The following LRRC27 variants were observed in gnomAD, a reference collection of about 807,000 sequenced individuals.
The protein encoded by LRRC27 is leucine-rich repeat-containing protein 27.
In LRRC27, 57 loss-of-function variants were observed where a neutral mutation model predicts 55.0. The ratio of observed to expected loss-of-function variants is 1.04; its 90% confidence interval spans 0.84 to 1.29. The LOEUF is 1.29. LRRC27 is among the 50% of genes most tolerant of loss of function. The pLI, the probability that LRRC27 is intolerant of heterozygous loss-of-function variation, is 0.00. For synonymous variants in LRRC27, 278 were observed against 251.9 expected (o/e 1.10, Z -0.98); for missense variants, 721 against 651.5 (o/e 1.11, Z -1.16).
rs941884671 is a variant in LRRC27 at position 132,372,273 on chromosome 10, T to C, written c.1417-2793T>C. Among the ~76,000 whole-genome samples, 1 of 148,150 alleles carries C rather than the reference T, an allele frequency of 6.7e-6. No homozygotes were observed. Among genetic ancestry groups the C allele is most frequent in the Non-Finnish European group, 1.5e-5 (1 of 67,364 alleles). ...GAAGACAAAACCAACCACAGAAGGA[T>C]GGGAAGTGGGGGTCGGGGTGCGGTG... On this transcript the variant is annotated intron_variant, in intron 10 of 10. Coordinates refer to ENST00000368614, the MANE Select transcript of LRRC27 (RefSeq NM_030626.3). The surrounding 1 kb of genome is among the most constrained non-coding windows in gnomAD (Gnocchi z 4.0).
intron 9 of LRRC27, among the ~76,000 whole-genome samples, chr10:132,363,414 C>A (rs546634021): frequency 6.6e-6 from 1 of 152,192 alleles, no homozygotes. Context: ...TCCTCTGAGC[C>A]GTGTATAAGG....
intron 10 of LRRC27, among the ~76,000 whole-genome samples, chr10:132,368,809 A>G (rs2069153436): frequency 6.6e-6 from 1 of 152,264 alleles, no homozygotes. Flanking sequence ...GCCGGGCTTC[A>G]TTACAATCAA....
At chr10:132,337,300 G>GT (rs769092177) in intron 2 of LRRC27, 3 of 1,278,002 alleles carry the variant, frequency 2.3e-6, no homozygotes, top group Non-Finnish European at 3.0e-6. Flanking sequence ...AAACAGTGGT[G>GT]TGCTGGGTCA....
At chr10:132,342,423 A>G (rs1210184316) in intron 4 of LRRC27, 152 bp downstream of exon 4, 2 of 600,234 alleles carry the variant, frequency 3.3e-6, no homozygotes, top group African/African-American at 1.9e-5. Flanking sequence ...GTAGCTCTCA[A>G]GAACTGTTGA....
chr10:132,357,647 A>AG (rs1205097362), intron 8 of LRRC27, among the ~76,000 whole-genome samples: 4 of 151,910 alleles, frequency 2.6e-5, no homozygotes, highest in African/African-American at 7.3e-5. Context: ...GGCTCTGGGG[A>AG]GGGGGGCGCA....
rs993329214 is a variant in LRRC27, at chr10:132,372,892, G to A, written c.1417-2174G>A. Among the ~76,000 whole-genome samples, 5 of 152,108 alleles carry A rather than the reference G, an allele frequency of 3.3e-5. No individual in the cohort carries two copies. The highest frequency in any genetic ancestry group is 4.8e-5 in the African/African-American group (2 of 41,420). ...ACTGAGCAGCCAGCAGCCCACCACC[G>A]ACACCCCGATCTCAGCCTCGTTCCA... is the stretch of plus-strand genomic sequence containing the variant. On this transcript the variant is annotated intron_variant, in intron 10 of 10. Coordinates refer to ENST00000368614, the MANE Select transcript of LRRC27 (RefSeq NM_030626.3). This position sits in a 1 kb window ranked among gnomAD's most constrained non-coding sequence, Gnocchi z 4.0.
At chr10:132,340,334 G>A (rs553149748) in intron 3 of LRRC27, among the ~76,000 whole-genome samples, 1 of 152,216 alleles carries the variant, frequency 6.6e-6, no homozygotes, top group East Asian at 1.9e-4. Context: ...GTACTTTCAG[G>A]TTAATAGTCA....
At chr10:132,337,834 A>G (rs2067208238) in intron 3 of LRRC27, 139 bp downstream of exon 3, 1 of 1,027,624 alleles carries the variant, frequency 9.7e-7, no homozygotes, top group Admixed American at 2.8e-5. Context: ...AAAGCCAGCT[A>G]AGAGGTTGCG....
rs1191320584 is a variant in LRRC27, at chr10:132,377,584, C to T, written c.*2342C>T. The T allele has an allele frequency of 6.6e-6, 1 of 152,202 alleles. No individual in the cohort carries two copies. Among genetic ancestry groups the T allele is most frequent in the East Asian group, 1.9e-4 (1 of 5,192 alleles). The allele number at this position is 152,202 out of a possible 1,614,324, so 9.4% of individuals were successfully genotyped here. On this transcript the variant is annotated 3_prime_UTR_variant, in exon 11 of 11. Transcript: ENST00000368614. ...ACCGTGTGCCCCAACGGTGTCTTGA[C>T]TCGCTGTTCCTAGACATCAGTGTTT...
chr10:132,343,338 C>A (rs563025161), intron 4 of LRRC27, among the ~76,000 whole-genome samples: 49 of 152,082 alleles, frequency 3.2e-4, no homozygotes, highest in African/African-American at 4.6e-4. Context: ...ACAACAACAA[C>A]AAAAAACAAA....
intron 3 of LRRC27, 150 bp downstream of exon 3, chr10:132,337,845 A>T: frequency 1.2e-6 from 1 of 855,010 alleles, no homozygotes; most frequent in Non-Finnish European, 1.8e-6. Flanking sequence ...AGAGGTTGCG[A>T]CGGCTGAATG....
Position 132,348,546 on chromosome 10 carries a change from A to G in LRRC27, c.926+190A>G, listed in dbSNP as rs1180826136. On this transcript the variant is annotated intron_variant, in intron 6 of 10. Transcript: ENST00000368614. This position sits in a 1 kb window ranked among gnomAD's most constrained non-coding sequence, Gnocchi z 4.2. Reference sequence around the variant, plus strand: ...GCATCAAGCCCGGAGCATCTGCGGCAGAGCTCAGTCCATTCAGAGGCTGAG... The same window carrying G: ...GCATCAAGCCCGGAGCATCTGCGGCGGAGCTCAGTCCATTCAGAGGCTGAG... 6.6e-6 allele frequency among the ~76,000 whole-genome samples: 1 copy of G among 152,248 alleles called. No individual in the cohort carries two copies. The highest frequency in any genetic ancestry group is 1.9e-4 in the East Asian group (1 of 5,196).
At chr10:132,334,100 A>G (rs1366744473) in intron 2 of LRRC27, among the ~76,000 whole-genome samples, 2 of 152,178 alleles carry the variant, frequency 1.3e-5, no homozygotes, top group Non-Finnish European at 2.9e-5. Context: ...GTTCTCACCC[A>G]TGATTTTGCT....
At chr10:132,331,836 G>A (rs759109660), upstream of LRRC27, 17 of 1,498,900 alleles carry the variant, frequency 1.1e-5, no homozygotes, top group Non-Finnish European at 1.4e-5. Flanking sequence ...GGCCGCGGGC[G>A]CGGAAAAACG....
At chr10:132,366,147 C>T (rs1234849377) in intron 10 of LRRC27, among the ~76,000 whole-genome samples, 4 of 152,196 alleles carry the variant, frequency 2.6e-5, no homozygotes, top group Non-Finnish European at 5.9e-5. Flanking sequence ...GGGAACCAGT[C>T]CTCTCCACAT....
chr10:132,368,837 A>C (rs923855173), intron 10 of LRRC27, among the ~76,000 whole-genome samples: 2 of 152,230 alleles, frequency 1.3e-5, no homozygotes, highest in African/African-American at 4.8e-5. Context: ...TGTTCTATGT[A>C]AGACACTGCC....
chr10:132,351,930 G>A (rs1161685903), intron 7 of LRRC27, among the ~76,000 whole-genome samples, 177 bp downstream of exon 7: 5 of 152,268 alleles, frequency 3.3e-5, no homozygotes, highest in South Asian at 4.1e-4. Context: ...GCCCCTTGTG[G>A]TCTGTAGCGC....
At chr10:132,369,098 C>A (rs1462558784) in intron 10 of LRRC27, among the ~76,000 whole-genome samples, 1 of 152,164 alleles carries the variant, frequency 6.6e-6, no homozygotes, top group Non-Finnish European at 1.5e-5. Context: ...GATTCACCAT[C>A]AAAAAATCCA....
At position 132,381,495 on chromosome 10, in the gene LRRC27, C is replaced by T. The variant is rs2069409352; in HGVS notation, c.*6253C>T. ...GTGCCTCAGTTCTCCTTAATAAACT[C>T]CATTTCATATGTATATATATCCTAT... is the stretch of plus-strand genomic sequence containing the variant. On this transcript the variant is annotated 3_prime_UTR_variant, in exon 11 of 11. Transcript: ENST00000368614. Among the ~76,000 whole-genome samples, 1 of 152,144 alleles carries T rather than the reference C, an allele frequency of 6.6e-6. No individual in the cohort carries two copies. Among genetic ancestry groups the T allele is most frequent in the Non-Finnish European group, 1.5e-5 (1 of 68,030 alleles).
Sources: gnomAD v4.1 joint callset for allele counts (sites outside exome capture counted in the v4.1 genomes callset) on GRCh38, gnomAD v4.1.1 for gene constraint, Gnocchi (gnomAD v3.1) non-coding constraint, MANE v1.5 for transcripts, NCBI Gene and HGNC (gene_info 2026-07-23, HGNC 2026-07-21) for gene names.